SLC39A11: variants seen among roughly 807,000 people sequenced by gnomAD.
SLC39A11 encodes the protein zinc transporter ZIP11.
Under a neutral mutation model 36.1 loss-of-function variants are expected in SLC39A11, and 33 were observed. The ratio of observed to expected loss-of-function variants is 0.91; its 90% confidence interval spans 0.69 to 1.22. The LOEUF is 1.22. SLC39A11 is among the 50% of genes most tolerant of loss of function. SLC39A11 has a pLI of 0.00. For synonymous variants in SLC39A11, 166 were observed against 170.3 expected, an observed-to-expected ratio of 0.97 and a Z score of 0.20; for missense variants, 432 against 430.3, an observed-to-expected ratio of 1.00 and a Z score of -0.03.
intron 3 of SLC39A11, among the ~76,000 whole-genome samples, chr17:73,067,147 C>A (rs1343490015): frequency 6.6e-6 from 1 of 152,240 alleles, no homozygotes; most frequent in East Asian, 1.9e-4. Context: ...TGAGTGCCTG[C>A]TCCAGTTTCC....
intron 7 of SLC39A11, among the ~76,000 whole-genome samples, chr17:72,655,685 C>T (rs1255340236): frequency 6.6e-6 from 1 of 152,208 alleles, no homozygotes; most frequent in East Asian, 1.9e-4. Context: ...CAGGAGCCTG[C>T]AACCGGGGTG....
chr17:72,662,647 A>AAAGAGAGAAAG (rs2070512737), intron 7 of SLC39A11, among the ~76,000 whole-genome samples: 1 of 65,006 alleles, frequency 1.5e-5, no homozygotes, highest in African/African-American at 1.1e-4. Flanking sequence ...GAGAAAGAAA[A>AAAGAGAGAAAG]AGAAAAAAGA....
chr17:72,669,955 T>C (rs929599868), intron 7 of SLC39A11, among the ~76,000 whole-genome samples: 5 of 147,014 alleles, frequency 3.4e-5, no homozygotes, highest in Admixed American at 6.8e-5. Flanking sequence ...TATATACACA[T>C]ATATATACGT....
At chr17:72,882,621 G>A (rs535752096) in intron 5 of SLC39A11, among the ~76,000 whole-genome samples, 13 of 152,090 alleles carry the variant, frequency 8.5e-5, no homozygotes, top group South Asian at 6.2e-4. Context: ...CAGCTGGCCC[G>A]CTCTGCTACT....
At chr17:72,909,625 A>G (rs1244572063) in intron 5 of SLC39A11, among the ~76,000 whole-genome samples, 1 of 152,144 alleles carries the variant, frequency 6.6e-6, no homozygotes, top group African/African-American at 2.4e-5. Context: ...CAGGTTCCCA[A>G]CAGGGCTGTA....
chr17:72,793,881 G>GT (rs1230291869), intron 6 of SLC39A11, among the ~76,000 whole-genome samples: 1 of 151,324 alleles, frequency 6.6e-6, no homozygotes, highest in African/African-American at 2.5e-5. Flanking sequence ...CCTGACTCCT[G>GT]TATCCTTTCT....
At chr17:72,808,483 A>C (rs2077331210) in intron 6 of SLC39A11, among the ~76,000 whole-genome samples, 1 of 152,216 alleles carries the variant, frequency 6.6e-6, no homozygotes, top group Non-Finnish European at 1.5e-5. Context: ...TGGCTTTGTA[A>C]GACTAAGTGC....
At chr17:72,897,244 T>C (rs890226779) in intron 5 of SLC39A11, among the ~76,000 whole-genome samples, 1 of 152,128 alleles carries the variant, frequency 6.6e-6, no homozygotes, top group Non-Finnish European at 1.5e-5. Flanking sequence ...AGTGACCTGC[T>C]GGACATCGGA....
chr17:72,714,869 G>A (rs569798191), intron 7 of SLC39A11, among the ~76,000 whole-genome samples: 57 of 152,322 alleles, frequency 3.7e-4, no homozygotes, highest in African/African-American at 1.2e-3. Flanking sequence ...GAACGTGGCC[G>A]TACTTGTGAA....
chr17:72,722,947 A>G (rs550411392), intron 7 of SLC39A11, among the ~76,000 whole-genome samples: 1 of 152,172 alleles, frequency 6.6e-6, no homozygotes, highest in Non-Finnish European at 1.5e-5. Context: ...CACTTTCTAG[A>G]AGGGTGATCT....
chr17:72,775,733 T>G (rs915958659), intron 6 of SLC39A11, among the ~76,000 whole-genome samples: 16 of 152,202 alleles, frequency 1.1e-4, no homozygotes, highest in African/African-American at 3.4e-4. Flanking sequence ...AAGGCATGTT[T>G]CCTGCTCTAC....
chr17:72,871,147 C>T (rs1370791309), intron 5 of SLC39A11, among the ~76,000 whole-genome samples: 1 of 151,140 alleles, frequency 6.6e-6, no homozygotes, highest in African/African-American at 2.4e-5. Flanking sequence ...CTGCGTCTTC[C>T]GCCTCCCAAG....
intron 4 of SLC39A11, among the ~76,000 whole-genome samples, chr17:73,011,813 C>G (rs1309619760): frequency 6.6e-6 from 1 of 151,302 alleles, no homozygotes; most frequent in Non-Finnish European, 1.5e-5. Context: ...GGGCACCCAC[C>G]ACCATGCCCG....
In SLC39A11 at chr17:72,723,923, C is replaced by T. The variant is rs148299758; in HGVS notation, c.671+12727G>A. Reference sequence around the variant, plus strand: ...GGAAAATCACCAGGTTTCCAGGTAACGACGGGATTGTATTTGTCAGCACAG... The same window carrying T: ...GGAAAATCACCAGGTTTCCAGGTAATGACGGGATTGTATTTGTCAGCACAG... On this transcript the variant is annotated intron_variant, in intron 7 of 9. Transcript: ENST00000255559. 7.5e-4 allele frequency among the ~76,000 whole-genome samples: 114 copies of T among 152,260 alleles called. No individual in the cohort carries two copies. The Middle Eastern group carries it at 0.01, about 14-fold the overall frequency.
At chr17:72,679,678 G>T (rs1343454465) in intron 7 of SLC39A11, among the ~76,000 whole-genome samples, 1 of 152,212 alleles carries the variant, frequency 6.6e-6, no homozygotes, top group Non-Finnish European at 1.5e-5. Context: ...TCTTGATTGG[G>T]CTGGGTGGCA....
intron 7 of SLC39A11, chr17:72,725,516 C>T (rs1401796831): frequency 6.6e-6 from 1 of 152,180 alleles, no homozygotes; most frequent in Non-Finnish European, 1.5e-5. Flanking sequence ...ATGTAACTTA[C>T]ATATATGGTC....
At chr17:72,698,013 T>C (rs1244339645) in intron 7 of SLC39A11, among the ~76,000 whole-genome samples, 3 of 152,216 alleles carry the variant, frequency 2.0e-5, no homozygotes, top group Non-Finnish European at 2.9e-5. Context: ...TAAACTGAAC[T>C]GGTGGCTAGG....
At chr17:73,075,108 AC>A (rs1324085401) in intron 3 of SLC39A11, among the ~76,000 whole-genome samples, 2 of 152,240 alleles carry the variant, frequency 1.3e-5, no homozygotes, top group Non-Finnish European at 2.9e-5. Flanking sequence ...CTTCTCACTC[AC>A]ATGAAAAGGA....
chr17:72,752,857 G>C (rs1007566260), intron 6 of SLC39A11, among the ~76,000 whole-genome samples: 31 of 152,092 alleles, frequency 2.0e-4, no homozygotes, highest in Non-Finnish European at 3.8e-4. Context: ...TGTTGGTGGT[G>C]GTGTTGTTTT....
Sources: gnomAD v4.1 joint callset for allele counts (sites outside exome capture counted in the v4.1 genomes callset) on GRCh38, gnomAD v4.1.1 for gene constraint, MANE v1.5 for transcripts, NCBI Gene and HGNC (gene_info 2026-07-23, HGNC 2026-07-21) for gene names.